The following HCRTR2 variants were observed in gnomAD, a reference collection of about 807,000 sequenced individuals.
HCRTR2 encodes orexin receptor type 2.
In HCRTR2, 22 loss-of-function variants were observed where a neutral mutation model predicts 49.0. That is an observed-to-expected ratio of 0.45 (90% confidence interval 0.32 to 0.64). The LOEUF (loss-of-function observed/expected upper bound fraction) is 0.64, where lower values mean the gene tolerates loss of function less well. Ranked by LOEUF, HCRTR2 falls within the 30% of genes least tolerant of loss-of-function variation. The pLI, the probability that HCRTR2 is intolerant of heterozygous loss-of-function variation, is 0.04. For synonymous variants in HCRTR2, 236 were observed against 205.3 expected (o/e 1.15, Z -1.28); for missense variants, 491 against 559.4 (o/e 0.88, Z 1.23).
chr6:55,268,075 G>A lies in HCRTR2; in HGVS notation c.762+4253G>A, dbSNP rs188202964. Among the ~76,000 whole-genome samples the A allele has an allele frequency of 3.0e-3, 464 of 152,248 alleles. 3 individuals are homozygous for A. Among genetic ancestry groups the A allele is most frequent in the African/African-American group, 9.2e-3 (382 of 41,558 alleles). On this transcript the variant is annotated intron_variant, in intron 4 of 6. Transcript: ENST00000370862. ...CAAAAAAGGAGGAGGAAATGGAGCT[G>A]TATTGGAGCAAATTTGTTTTATACT...
intron 1 of HCRTR2, among the ~76,000 whole-genome samples, chr6:55,177,612 A>G (rs1325204035): frequency 6.6e-6 from 1 of 152,192 alleles, no homozygotes. Flanking sequence ...GTACTTTCAT[A>G]TAACTGCTTG....
intron 1 of HCRTR2, among the ~76,000 whole-genome samples, chr6:55,148,295 C>G (rs1244523310): frequency 6.6e-6 from 1 of 151,862 alleles, no homozygotes; most frequent in Admixed American, 6.6e-5. Flanking sequence ...GGAACTGTAT[C>G]AATCTCTTTT....
intron 1 of HCRTR2, among the ~76,000 whole-genome samples, chr6:55,165,233 G>A (rs1764859900): frequency 6.6e-6 from 1 of 151,744 alleles, no homozygotes; most frequent in Admixed American, 6.6e-5. Flanking sequence ...GAGAGAGAGA[G>A]AGAGAGTGGG....
At chr6:55,187,704 T>TTA (rs869028353) in intron 1 of HCRTR2, among the ~76,000 whole-genome samples, 1 of 148,786 alleles carries the variant, frequency 6.7e-6, no homozygotes, top group Non-Finnish European at 1.5e-5. Flanking sequence ...TTTTTTTTTT[T>TTA]ACAGGTAGTG....
rs189624841 is a variant in HCRTR2 at position 55,241,441 on chromosome 6, A to T, written c.224-7198A>T. Reference sequence around the variant, plus strand: ...GTGGCAAAGTGTGGAACTACAGTATATTTTTCCAAGTTGTTTCCTGATATA... The same window carrying T: ...GTGGCAAAGTGTGGAACTACAGTATTTTTTTCCAAGTTGTTTCCTGATATA... On this transcript the variant is annotated intron_variant, in intron 1 of 6. Transcript: ENST00000370862. 5.9e-5 allele frequency among the ~76,000 whole-genome samples: 9 copies of T among 152,194 alleles called. No homozygotes were observed. In the East Asian group the frequency reaches 1.7e-3, roughly 29 times the overall value.
intron 1 of HCRTR2, among the ~76,000 whole-genome samples, chr6:55,247,595 A>G (rs1172071768): frequency 1.3e-5 from 2 of 152,114 alleles, no homozygotes; most frequent in African/African-American, 4.8e-5. Context: ...AAGCAAACCC[A>G]TGAATAGATG....
chr6:55,227,865 T>A (rs1169639561), intron 1 of HCRTR2, among the ~76,000 whole-genome samples: 1 of 151,804 alleles, frequency 6.6e-6, no homozygotes, highest in African/African-American at 2.4e-5. Context: ...GTAATGAAGA[T>A]GCTAGTAACA....
intron 1 of HCRTR2, among the ~76,000 whole-genome samples, chr6:55,166,342 G>T (rs1358680231): frequency 6.6e-6 from 1 of 151,266 alleles, no homozygotes; most frequent in Admixed American, 6.6e-5. Flanking sequence ...TGTTCTTGTT[G>T]AGCGTGTCAG....
rs2653349 is a variant in HCRTR2 at position 55,277,539 on chromosome 6, A to G, written c.922A>G (p.Ile308Val). ...ARRKTARMLM[I>V]VLLVFAICYL... ...AAGGAAAACAGCCCGGATGTTGATG[A>G]TTGTGCTTTTGGTATTTGCAATTTG... The change falls in exon 5 of 7, where the codon ATT (isoleucine) becomes GTT (valine). Residue 308 changes from isoleucine (I) to valine (V), a missense_variant. Transcript: ENST00000370862. The G allele has an allele frequency of 0.81, 1,311,124 of 1,613,552 alleles. 534,525 individuals carry two copies. Among genetic ancestry groups the G allele is most frequent in the East Asian group, 0.95 (42,411 of 44,850 alleles).
At chr6:55,240,357 C>CAA (rs1167981530) in intron 1 of HCRTR2, among the ~76,000 whole-genome samples, 880 of 45,962 alleles carry the variant, frequency 0.019, 116 homozygotes, top group Admixed American at 0.09. Flanking sequence ...GACTCCAGCT[C>CAA]AAAAAAAAAA....
At chr6:55,219,876 A>G (rs866524802) in intron 1 of HCRTR2, among the ~76,000 whole-genome samples, 2 of 152,046 alleles carry the variant, frequency 1.3e-5, no homozygotes, top group Non-Finnish European at 2.9e-5. Flanking sequence ...TTGCAATCAA[A>G]GAGGCAGGAA....
intron 4 of HCRTR2, among the ~76,000 whole-genome samples, chr6:55,266,294 A>G (rs1766859281): frequency 6.6e-6 from 1 of 152,190 alleles, no homozygotes; most frequent in South Asian, 2.1e-4. Flanking sequence ...CTCTACTAAG[A>G]TAAAGATAGT....
intron 1 of HCRTR2, among the ~76,000 whole-genome samples, chr6:55,124,431 G>C (rs1472379555): frequency 6.6e-6 from 1 of 152,180 alleles, no homozygotes. Context: ...GGTTTTGATT[G>C]AGTTTCTTAA....
intron 1 of HCRTR2, among the ~76,000 whole-genome samples, chr6:55,167,960 T>A (rs1764900513): frequency 6.6e-6 from 1 of 152,212 alleles, no homozygotes; most frequent in Non-Finnish European, 1.5e-5. Flanking sequence ...TAGGCAAGAA[T>A]ATACATATCC....
At chr6:55,163,632 G>A (rs1284771462) in intron 1 of HCRTR2, among the ~76,000 whole-genome samples, 1 of 152,052 alleles carries the variant, frequency 6.6e-6, no homozygotes, top group Non-Finnish European at 1.5e-5. Flanking sequence ...AACTCAAGAT[G>A]GATTAAAGAC....
intron 1 of HCRTR2, among the ~76,000 whole-genome samples, chr6:55,138,137 C>A (rs1444445891): frequency 1.3e-5 from 2 of 151,778 alleles, no homozygotes; most frequent in East Asian, 3.9e-4. Flanking sequence ...AGCAAATAAA[C>A]CATGTATTCA....
intron 1 of HCRTR2, among the ~76,000 whole-genome samples, chr6:55,128,253 G>T (rs2127243937): frequency 6.6e-6 from 1 of 152,028 alleles, no homozygotes; most frequent in African/African-American, 2.4e-5. Flanking sequence ...CTTATTTCTG[G>T]GTTCTCTATT....
intron 1 of HCRTR2, among the ~76,000 whole-genome samples, chr6:55,237,054 A>C (rs2127302948): frequency 6.6e-6 from 1 of 152,148 alleles, no homozygotes; most frequent in South Asian, 2.1e-4. Flanking sequence ...GTATAATCCT[A>C]TTAGATGGTT....
chr6:55,119,567 G>A (rs2127236682), intron 1 of HCRTR2, among the ~76,000 whole-genome samples: 1 of 151,302 alleles, frequency 6.6e-6, no homozygotes, highest in Admixed American at 6.6e-5. Context: ...TCTGTTCACT[G>A]CATAAATGTC....
Sources: allele counts gnomAD v4.1 joint callset (sites outside exome capture counted in the v4.1 genomes callset), GRCh38; gene constraint gnomAD v4.1.1; transcripts MANE v1.5; gene names NCBI Gene and HGNC (gene_info 2026-07-23, HGNC 2026-07-21).